GPC5: variants seen among roughly 807,000 people sequenced by gnomAD.
GPC5 encodes glypican-5.
A neutral mutation model predicts 53.9 loss-of-function variants in GPC5; 47 were observed. That is an observed-to-expected ratio of 0.87 (90% CI 0.69 to 1.11). GPC5 has a LOEUF of 1.11. Ranked by LOEUF, GPC5 falls within the 50% of genes most tolerant of loss-of-function variation. The pLI is 0.00. For synonymous variants in GPC5, 286 were observed against 263.3 expected (o/e 1.09, Z -0.84); for missense variants, 748 against 713.1 (o/e 1.05, Z -0.56).
intron 5 of GPC5, among the ~76,000 whole-genome samples, chr13:91,887,258 C>A (rs2039333608): frequency 6.6e-6 from 1 of 152,096 alleles, no homozygotes; most frequent in South Asian, 2.1e-4. Flanking sequence ...GTGTCTCCCA[C>A]CCAAGCCATG....
At chr13:92,842,927 G>T (rs1878479579) in intron 7 of GPC5, among the ~76,000 whole-genome samples, 1 of 152,028 alleles carries the variant, frequency 6.6e-6, no homozygotes, top group Non-Finnish European at 1.5e-5. Flanking sequence ...TGAAAACAAT[G>T]ACCTGGAAGG....
intron 7 of GPC5, among the ~76,000 whole-genome samples, chr13:92,281,992 A>G (rs1037449547): frequency 1.2e-4 from 18 of 152,120 alleles, no homozygotes; most frequent in Non-Finnish European, 2.2e-4. Flanking sequence ...GAAGCTAAAA[A>G]CCTTGAAAAA....
At chr13:92,706,864 G>A (rs1331929132) in intron 7 of GPC5, among the ~76,000 whole-genome samples, 2 of 152,164 alleles carry the variant, frequency 1.3e-5, no homozygotes, top group Non-Finnish European at 2.9e-5. Context: ...AATTCCTAAT[G>A]TGATGTTTCT....
At chr13:91,529,724 C>T (rs955494284) in intron 2 of GPC5, among the ~76,000 whole-genome samples, 2 of 152,178 alleles carry the variant, frequency 1.3e-5, no homozygotes, top group Non-Finnish European at 2.9e-5. Flanking sequence ...CTGCTTTTCT[C>T]CCCATACTAG....
intron 2 of GPC5, among the ~76,000 whole-genome samples, chr13:91,505,910 A>G (rs1045814164): frequency 2.0e-5 from 3 of 152,162 alleles, no homozygotes; most frequent in African/African-American, 7.2e-5. Flanking sequence ...GAGAATACCA[A>G]GGTTTTAAGC....
intron 7 of GPC5, among the ~76,000 whole-genome samples, chr13:92,779,913 A>T (rs1009193223): frequency 2.6e-5 from 4 of 152,146 alleles, no homozygotes; most frequent in African/African-American, 9.6e-5. Flanking sequence ...TGGTAAGCTT[A>T]ATTTCTTTAC....
intron 2 of GPC5, among the ~76,000 whole-genome samples, chr13:91,658,675 G>T (rs949786641): frequency 6.6e-6 from 1 of 152,062 alleles, no homozygotes; most frequent in African/African-American, 2.4e-5. Context: ...AGTAATCTCT[G>T]CCATTATTAG....
chr13:92,282,945 G>A (rs1352730849), intron 7 of GPC5, among the ~76,000 whole-genome samples: 1 of 152,130 alleles, frequency 6.6e-6, no homozygotes, highest in South Asian at 2.1e-4. Context: ...GACACAGACT[G>A]GCTAATTGGA....
chr13:92,707,591 G>A (rs1458088521), intron 7 of GPC5, among the ~76,000 whole-genome samples: 1 of 151,752 alleles, frequency 6.6e-6, no homozygotes, highest in Non-Finnish European at 1.5e-5. Context: ...GTGTTCCCAT[G>A]TAATCATAGT....
chr13:92,643,628 C>CA lies in GPC5; in HGVS notation c.1562-222648dup, dbSNP rs1320649861. ...CATTCTCAGTAAACTATCGCAAGAA[C>CA]AAAAAACCAAACACCGCATATTCTC... On this transcript the variant is annotated intron_variant, in intron 7 of 7. Transcript: ENST00000377067. Among the ~76,000 whole-genome samples the CA allele has an allele frequency of 5.5e-4, 77 of 140,338 alleles. 1 individual carries two copies. The highest frequency in any genetic ancestry group is 1.8e-3 in the African/African-American group (67 of 38,088). The allele number at this position is 140,338 out of a possible 152,430, so 92.1% of individuals were successfully genotyped here.
At chr13:92,387,920 C>CATT (rs1159234015) in intron 7 of GPC5, among the ~76,000 whole-genome samples, 1 of 152,072 alleles carries the variant, frequency 6.6e-6, no homozygotes, top group Non-Finnish European at 1.5e-5. Context: ...TGATGTAAGG[C>CATT]ATTATTACTA....
chr13:92,337,912 A>C (rs969135042), intron 7 of GPC5, among the ~76,000 whole-genome samples: 3 of 152,152 alleles, frequency 2.0e-5, no homozygotes, highest in Non-Finnish European at 2.9e-5. Flanking sequence ...AAGGCTTTTT[A>C]GATATACCAC....
intron 7 of GPC5, among the ~76,000 whole-genome samples, chr13:92,419,785 G>A (rs1333177136): frequency 2.6e-5 from 4 of 152,116 alleles, no homozygotes; most frequent in Non-Finnish European, 5.9e-5. Flanking sequence ...AAGAAAAACT[G>A]AGGGATCCCA....
At chr13:92,115,384 T>C (rs1402322916) in intron 6 of GPC5, among the ~76,000 whole-genome samples, 3 of 152,122 alleles carry the variant, frequency 2.0e-5, no homozygotes, top group Admixed American at 2.0e-4. Flanking sequence ...TGCATGCCTA[T>C]AGTCTCAGCT....
At chr13:92,218,550 G>T (rs1281222953) in intron 7 of GPC5, among the ~76,000 whole-genome samples, 1 of 152,058 alleles carries the variant, frequency 6.6e-6, no homozygotes, top group Non-Finnish European at 1.5e-5. Context: ...CTTTCACCCA[G>T]TTCAGCCCCT....
intron 6 of GPC5, among the ~76,000 whole-genome samples, chr13:92,010,192 A>G (rs1387318421): frequency 6.6e-6 from 1 of 152,142 alleles, no homozygotes; most frequent in African/African-American, 2.4e-5. Context: ...CCTGTTTTAC[A>G]TCTGCTTCAA....
intron 7 of GPC5, among the ~76,000 whole-genome samples, chr13:92,364,644 G>A (rs183085084): frequency 6.6e-6 from 1 of 151,736 alleles, no homozygotes; most frequent in African/African-American, 2.4e-5. Context: ...GCAGGAGAAT[G>A]GCGTGAACCC....
intron 3 of GPC5, among the ~76,000 whole-genome samples, chr13:91,723,861 G>T (rs1004627048): frequency 6.6e-6 from 1 of 152,124 alleles, no homozygotes; most frequent in Non-Finnish European, 1.5e-5. Flanking sequence ...CAAATCTAAT[G>T]TATCTGGGAC....
At chr13:92,379,526 CTG>C (rs1279347866) in intron 7 of GPC5, among the ~76,000 whole-genome samples, 3 of 151,094 alleles carry the variant, frequency 2.0e-5, no homozygotes, top group South Asian at 2.1e-4. Flanking sequence ...TAGTTCCTCT[CTG>C]TTTCCTCTGC....
Sources: allele counts gnomAD v4.1 joint callset (sites outside exome capture counted in the v4.1 genomes callset), GRCh38; gene constraint gnomAD v4.1.1; transcripts MANE v1.5; gene names NCBI Gene and HGNC (gene_info 2026-07-23, HGNC 2026-07-21).